Variants in KCNK2 observed in about 807,000 individuals in gnomAD.
KCNK2 encodes the protein potassium channel subfamily K member 2.
In KCNK2, 21 loss-of-function variants were observed where a neutral mutation model predicts 40.5. The ratio of observed to expected loss-of-function variants is 0.52; its 90% confidence interval spans 0.37 to 0.75. KCNK2 has a LOEUF of 0.75. Ranked by LOEUF, KCNK2 falls within the 30% of genes least tolerant of loss-of-function variation. The pLI is 0.00. For synonymous variants in KCNK2, 191 were observed against 202.2 expected (o/e 0.94, Z 0.47); for missense variants, 399 against 531.6 (o/e 0.75, Z 2.45).
chr1:215,171,101 A>T (rs1017394462), intron 4 of KCNK2, among the ~76,000 whole-genome samples: 2 of 152,126 alleles, frequency 1.3e-5, no homozygotes, highest in African/African-American at 4.8e-5. Flanking sequence ...AGTGATTTTC[A>T]GATGGTGTAG....
intron 6 of KCNK2, among the ~76,000 whole-genome samples, chr1:215,223,740 C>T (rs1327290247): frequency 6.6e-6 from 1 of 152,168 alleles, no homozygotes; most frequent in African/African-American, 2.4e-5. Context: ...GCTGTTCGGA[C>T]ACTCATCTTT....
rs950697408 is a variant in KCNK2 at position 215,083,093 on chromosome 1, G to C, written c.-293G>C. ...GTGACCCGGGCCCGGCAGCAGGCGC[G>C]CGCGGGGGCGGCGGCGCCCAAGCCC... On this transcript the variant is annotated 5_prime_UTR_variant, in exon 1 of 7. Coordinates refer to ENST00000444842, the MANE Select transcript of KCNK2 (RefSeq NM_001017425.3). The C allele has an allele frequency of 2.0e-5, 9 of 449,364 alleles. No homozygotes were observed. The highest frequency in any genetic ancestry group is 6.0e-4 in the Middle Eastern group (1 of 1,678). The allele number at this position is 449,364 out of a possible 1,614,324, so 27.8% of individuals were successfully genotyped here. A position where few individuals can be genotyped will look rare whatever the true frequency, so the allele number is the denominator to read the frequency against.
At chr1:215,055,896 A>G (rs1431298646) in intron 1 of KCNK2, among the ~76,000 whole-genome samples, 2 of 152,248 alleles carry the variant, frequency 1.3e-5, no homozygotes, top group African/African-American at 4.8e-5. Context: ...AAACTCCTGG[A>G]GATTTCTCTT....
intron 1 of KCNK2, among the ~76,000 whole-genome samples, chr1:215,032,604 C>G (rs912859125): frequency 2.0e-5 from 3 of 152,050 alleles, no homozygotes; most frequent in African/African-American, 4.8e-5. Flanking sequence ...TTTTGTTTGT[C>G]AGAAAAATAT....
intron 5 of KCNK2, among the ~76,000 whole-genome samples, chr1:215,176,036 G>A (rs1165629656): frequency 4.6e-5 from 7 of 152,186 alleles, no homozygotes; most frequent in East Asian, 1.9e-4. Flanking sequence ...TGTGCTGAAC[G>A]GTAGTTCTGT....
At chr1:215,161,905 A>C (rs1663214849) in intron 3 of KCNK2, among the ~76,000 whole-genome samples, 1 of 152,164 alleles carries the variant, frequency 6.6e-6, no homozygotes, top group Non-Finnish European at 1.5e-5. Context: ...ATGTGTCTTT[A>C]TTGTAGAATG....
At chr1:215,111,519 C>G (rs566616430) in intron 2 of KCNK2, among the ~76,000 whole-genome samples, 2 of 151,912 alleles carry the variant, frequency 1.3e-5, no homozygotes, top group East Asian at 1.9e-4. Flanking sequence ...TTTTCTTGTG[C>G]TTGATCAAGT....
chr1:215,054,067 A>G (rs1007321664), intron 1 of KCNK2, among the ~76,000 whole-genome samples: 1 of 152,260 alleles, frequency 6.6e-6, no homozygotes, highest in African/African-American at 2.4e-5. Context: ...TTCACCTTAA[A>G]TAAATGATAG....
At chr1:215,108,716 C>T (rs1259267924) in intron 2 of KCNK2, among the ~76,000 whole-genome samples, 1 of 144,690 alleles carries the variant, frequency 6.9e-6, no homozygotes, top group Non-Finnish European at 1.5e-5. Context: ...TACCAAAAGA[C>T]AGCAGACAGC....
intron 6 of KCNK2, among the ~76,000 whole-genome samples, chr1:215,228,136 A>G (rs1666468146): frequency 6.6e-6 from 1 of 152,164 alleles, no homozygotes; most frequent in South Asian, 2.1e-4. Flanking sequence ...GGTAATTGAA[A>G]CAATCGGAAG....
chr1:215,182,246 C>T (rs766703083), intron 5 of KCNK2, among the ~76,000 whole-genome samples: 18 of 152,006 alleles, frequency 1.2e-4, no homozygotes, highest in Middle Eastern at 6.8e-3. Flanking sequence ...ATGATCTATG[C>T]GCAGGAAGGG....
chr1:215,114,563 C>CG (rs1295089799), intron 2 of KCNK2, among the ~76,000 whole-genome samples: 1 of 151,862 alleles, frequency 6.6e-6, no homozygotes, highest in Non-Finnish European at 1.5e-5. Flanking sequence ...TTGAGAAAGG[C>CG]GGGGGAAACT....
chr1:215,078,080 A>G (rs1659012903), upstream of KCNK2, among the ~76,000 whole-genome samples: 1 of 152,214 alleles, frequency 6.6e-6, no homozygotes, highest in Non-Finnish European at 1.5e-5. Context: ...TCTTGGCCTC[A>G]CATAAAATAC....
At chr1:215,229,215 T>C (rs1002826479) in intron 6 of KCNK2, among the ~76,000 whole-genome samples, 8 of 151,824 alleles carry the variant, frequency 5.3e-5, no homozygotes, top group African/African-American at 1.9e-4. Context: ...TTCTTTTTTT[T>C]TTTTTTTTGA....
At chr1:215,198,250 G>A (rs756350246) in intron 6 of KCNK2, among the ~76,000 whole-genome samples, 1 of 152,232 alleles carries the variant, frequency 6.6e-6, no homozygotes, top group East Asian at 1.9e-4. Flanking sequence ...CATGAGTCAA[G>A]GCTATGACCA....
At chr1:215,009,473 C>T (rs1307764253) in intron 1 of KCNK2, among the ~76,000 whole-genome samples, 1 of 152,022 alleles carries the variant, frequency 6.6e-6, no homozygotes, top group Non-Finnish European at 1.5e-5. Context: ...CATTTTATCT[C>T]ACTTTGAAGT....
chr1:215,235,186 A>G lies in KCNK2; in HGVS notation c.*41A>G. Reference sequence around the variant, plus strand: ...ACCTTAGGCATAGCCATAGGTGAGGACTTCTCTATGCTCTTTATGACTGTT... The same window carrying G: ...ACCTTAGGCATAGCCATAGGTGAGGGCTTCTCTATGCTCTTTATGACTGTT... On this transcript the variant is annotated 3_prime_UTR_variant, in exon 7 of 7. Transcript: ENST00000444842. 6.7e-7 allele frequency: 1 copy of G among 1,500,128 alleles called. No individual in the cohort carries two copies. The highest frequency in any genetic ancestry group is 9.1e-7 in the Non-Finnish European group (1 of 1,094,620). 92.9% of individuals were successfully genotyped at this position (1,500,128 alleles called of 1,614,324 possible). A position where few individuals can be genotyped will look rare whatever the true frequency, so the allele number is the denominator to read the frequency against.
chr1:215,186,907 T>C (rs1283365956), intron 5 of KCNK2, among the ~76,000 whole-genome samples: 1 of 152,198 alleles, frequency 6.6e-6, no homozygotes, highest in East Asian at 1.9e-4. Flanking sequence ...AGAGTAATTC[T>C]TCCTAAAGGG....
At chr1:215,129,266 T>A (rs1307519483) in intron 3 of KCNK2, among the ~76,000 whole-genome samples, 5 of 152,148 alleles carry the variant, frequency 3.3e-5, no homozygotes, top group African/African-American at 1.2e-4. Flanking sequence ...AGATTTTATA[T>A]GTTGTATTAT....
Sources: allele counts gnomAD v4.1 joint callset (sites outside exome capture counted in the v4.1 genomes callset), GRCh38; gene constraint gnomAD v4.1.1; transcripts MANE v1.5; gene names NCBI Gene and HGNC (gene_info 2026-07-23, HGNC 2026-07-21).